ALDH3A2: variants seen among roughly 807,000 people sequenced by gnomAD.
The protein encoded by ALDH3A2 is aldehyde dehydrogenase family 3 member A2.
Under a neutral mutation model 51.3 loss-of-function variants are expected in ALDH3A2, and 36 were observed. That is an observed-to-expected ratio of 0.70 (90% CI 0.54 to 0.93). The LOEUF (loss-of-function observed/expected upper bound fraction) is 0.93. ALDH3A2 is among the 40% of genes least tolerant of loss of function. The pLI, the probability that ALDH3A2 is intolerant of heterozygous loss-of-function variation, is 0.00. For missense variants in ALDH3A2, 552 were observed against 603.1 expected, an observed-to-expected ratio of 0.92 and a Z score of 0.89; for synonymous variants, 199 against 219.8, an observed-to-expected ratio of 0.91 and a Z score of 0.84.
chr17:19,658,788 C>G (rs543621922), intron 5 of ALDH3A2, among the ~76,000 whole-genome samples: 5 of 151,444 alleles, frequency 3.3e-5, no homozygotes, highest in Admixed American at 1.3e-4. Flanking sequence ...GACCAAATGA[C>G]CAGTGTGACT....
chr17:19,650,796 A>C lies in ALDH3A2; in HGVS notation c.154-751A>C, dbSNP rs117230828. On this transcript the variant is annotated intron_variant, in intron 1 of 9. Transcript: ENST00000176643. ...TTTTATCTGCATTACATGTGTAGCAAGGCTTTGCTCTGGGTTTGTGATTTT... is the reference window on the plus strand; with the variant it reads ...TTTTATCTGCATTACATGTGTAGCACGGCTTTGCTCTGGGTTTGTGATTTT... Among the ~76,000 whole-genome samples the C allele has an allele frequency of 5.9e-4, 90 of 152,294 alleles. No homozygotes were observed. In the East Asian group the frequency reaches 0.017, roughly 28 times the overall value.
chr17:19,659,843 C>CAA (rs35053333), intron 5 of ALDH3A2: 10 of 83,734 alleles, frequency 1.2e-4, no homozygotes, highest in Admixed American at 3.9e-4. Flanking sequence ...GACCCTGTCT[C>CAA]AAAAAAAAAA....
chr17:19,664,247 A>G (rs1190267941), intron 7 of ALDH3A2, among the ~76,000 whole-genome samples: 1 of 152,242 alleles, frequency 6.6e-6, no homozygotes, highest in Non-Finnish European at 1.5e-5. Context: ...AAAACCATGG[A>G]TAATGTGGGC....
chr17:19,648,827 G>A lies in ALDH3A2; in HGVS notation c.-145G>A, dbSNP rs2084771068. On this transcript the variant is annotated 5_prime_UTR_variant, in exon 1 of 10. Coordinates refer to ENST00000176643, the MANE Select transcript of ALDH3A2 (RefSeq NM_000382.3). ...TCGCGGCTGAGCGAGCGAGCCCTGG[G>A]CGAGTGAATTGTGGCTGTGGGTTGA... 1.7e-6 allele frequency: 2 copies of A among 1,144,308 alleles called. No individual in the cohort carries two copies. The highest frequency in any genetic ancestry group is 2.5e-6 in the Non-Finnish European group (2 of 808,648). The allele number at this position is 1,144,308 out of a possible 1,614,324, so 70.9% of individuals were successfully genotyped here. A position where few individuals can be genotyped will look rare whatever the true frequency, so the allele number is the denominator to read the frequency against.
chr17:19,649,344 C>T, intron 1 of ALDH3A2: 1 of 569,056 alleles, frequency 1.8e-6, no homozygotes, highest in East Asian at 2.9e-5. Flanking sequence ...GGTTCCTTTT[C>T]TGCCTTTTCT....
At chr17:19,653,491 G>A (rs555305624) in intron 3 of ALDH3A2, among the ~76,000 whole-genome samples, 17 of 152,298 alleles carry the variant, frequency 1.1e-4, no homozygotes, top group Admixed American at 3.9e-4. Context: ...TCCTTCTGGT[G>A]GGTTCGTGGT....
At chr17:19,660,802 A>C (rs2084955950) in intron 5 of ALDH3A2, among the ~76,000 whole-genome samples, 1 of 152,224 alleles carries the variant, frequency 6.6e-6, no homozygotes, top group Admixed American at 6.5e-5. Context: ...ATGCAGAGCA[A>C]GACTTCTTTC....
Position 19,648,864 on chromosome 17 carries a change from C to A in ALDH3A2, c.-108C>A, listed in dbSNP as rs1046973691. ...TGGCTGTGGGTTGACGGTGGAGACA[C>A]CCCCCGGAGGGAGGCGGAGGGAAGG... On this transcript the variant is annotated 5_prime_UTR_variant, in exon 1 of 10. Coordinates refer to ENST00000176643, the MANE Select transcript of ALDH3A2 (RefSeq NM_000382.3). 2.8e-6 allele frequency: 4 copies of A among 1,413,576 alleles called. No individual in the cohort carries two copies. In the African/African-American group the frequency reaches 4.3e-5, roughly 15 times the overall value. The allele number at this position is 1,413,576 out of a possible 1,614,324, so 87.6% of individuals were successfully genotyped here. A position where few individuals can be genotyped will look rare whatever the true frequency, so the allele number is the denominator to read the frequency against.
At chr17:19,660,507 G>A (rs903165788) in intron 5 of ALDH3A2, among the ~76,000 whole-genome samples, 5 of 152,190 alleles carry the variant, frequency 3.3e-5, no homozygotes, top group African/African-American at 1.2e-4. Context: ...GTTTTACTAA[G>A]TAAATATTGA....
chr17:19,651,078 TTTAAAC>T (rs2084808476), intron 1 of ALDH3A2, among the ~76,000 whole-genome samples: 1 of 152,240 alleles, frequency 6.6e-6, no homozygotes, highest in Admixed American at 6.5e-5. Context: ...CCTCAAGAGT[TTTAAAC>T]TTGACTGGGA....
chr17:19,664,892 T>G, intron 7 of ALDH3A2, 56 bp from the exon 8 acceptor site: 1 of 1,235,768 alleles, frequency 8.1e-7, no homozygotes, highest in Non-Finnish European at 1.2e-6. Context: ...GGTGGGGCCA[T>G]GAGTGTTCCC....
intron 6 of ALDH3A2, among the ~76,000 whole-genome samples, chr17:19,662,371 T>G (rs2084977421): frequency 6.6e-6 from 1 of 152,146 alleles, no homozygotes; most frequent in African/African-American, 2.4e-5. Context: ...CCCCTGGAAG[T>G]GGTGCTGCAA....
At chr17:19,658,924 C>T (rs935225696) in intron 5 of ALDH3A2, among the ~76,000 whole-genome samples, 1 of 151,722 alleles carries the variant, frequency 6.6e-6, no homozygotes, top group African/African-American at 2.4e-5. Flanking sequence ...AAGAGTAATG[C>T]ATGTGATCTG....
intron 3 of ALDH3A2, 133 bp downstream of exon 3, chr17:19,652,765 A>G (rs2084833999): frequency 5.2e-6 from 4 of 771,392 alleles, no homozygotes; most frequent in Non-Finnish European, 9.1e-6. Context: ...CAGTTGGCTT[A>G]GCAAAAGAAG....
At chr17:19,675,284 TTA>T in intron 9 of ALDH3A2, 1 of 446,392 alleles carries the variant, frequency 2.2e-6, no homozygotes. Flanking sequence ...TACTCTGACA[TTA>T]GCTAGTTGAC....
intron 6 of ALDH3A2, among the ~76,000 whole-genome samples, chr17:19,662,562 T>C (rs1373180201): frequency 6.6e-6 from 1 of 152,190 alleles, no homozygotes; most frequent in Non-Finnish European, 1.5e-5. Context: ...TGGGACACTT[T>C]GTCTAGCCTC....
At chr17:19,655,507 T>C (rs1308366436) in intron 3 of ALDH3A2, 1 of 152,406 alleles carries the variant, frequency 6.6e-6, no homozygotes, top group African/African-American at 2.4e-5. Context: ...ATATATGCTA[T>C]GTAGATTAAG....
In ALDH3A2 at chr17:19,649,036, T is replaced by G; in HGVS notation, c.65T>G (p.Phe22Cys). 1 of 1,583,876 alleles carries G rather than the reference T, an allele frequency of 6.3e-7. No individual in the cohort carries two copies. Among genetic ancestry groups the G allele is most frequent in the Non-Finnish European group, 8.6e-7 (1 of 1,165,428 alleles). Residue 22 changes from phenylalanine to cysteine, a missense_variant, in exon 1 of 10, where the codon TTT (phenylalanine) becomes TGT (cysteine). Coordinates refer to ENST00000176643, the MANE Select transcript of ALDH3A2 (RefSeq NM_000382.3). ...TCCGGCCGGTCGCGACCTCTGCGGT[T>G]TCGGCTGCAGCAGCTGGAGGCCCTG... ...FLSGRSRPLRFRLQQLEALRR... is the reference protein window; with the variant it reads ...FLSGRSRPLRCRLQQLEALRR...
rs376353294 is a variant in ALDH3A2 at position 19,661,244 on chromosome 17, A to G, written c.916A>G (p.Thr306Ala). Residue 306 changes from threonine to alanine, a missense_variant, in exon 6 of 10, where the codon ACT becomes GCT. Thr to Ala is a moderately conservative substitution (Grantham distance 58). Transcript: ENST00000176643. ...EGQKIAFGGE[T>A]DEATRYIAPT... ...ACAAAAGATAGCTTTTGGTGGGGAG[A>G]CTGATGAGGCCACACGCTACATAGG... 34 of 1,613,974 alleles carry G rather than the reference A, an allele frequency of 2.1e-5. No homozygotes were observed. The highest frequency in any genetic ancestry group is 2.8e-5 in the Non-Finnish European group (33 of 1,180,038).
Sources: allele counts gnomAD v4.1 joint callset (sites outside exome capture counted in the v4.1 genomes callset), GRCh38; gene constraint gnomAD v4.1.1; transcripts MANE v1.5; gene names NCBI Gene and HGNC (gene_info 2026-07-23, HGNC 2026-07-21).